KCNIP1: variants seen among roughly 807,000 people sequenced by gnomAD.
The protein encoded by KCNIP1 is A-type potassium channel modulatory protein KCNIP1.
KCNIP1 carries 18 observed loss-of-function variants against 33.0 expected under a neutral mutation model. That is an observed-to-expected ratio of 0.55 (90% confidence interval 0.38 to 0.81). The LOEUF is 0.81. Among genes scored for constraint, KCNIP1 ranks in the 30% least tolerant of loss-of-function variants. KCNIP1 has a pLI of 0.00. For missense variants in KCNIP1, 238 were observed against 271.6 expected, an observed-to-expected ratio of 0.88 and a Z score of 0.87; for synonymous variants, 93 against 98.3, an observed-to-expected ratio of 0.95 and a Z score of 0.32.
At chr5:170,501,542 G>A (rs886438742), upstream of KCNIP1, among the ~76,000 whole-genome samples, 2 of 152,226 alleles carry the variant, frequency 1.3e-5, no homozygotes, top group African/African-American at 4.8e-5. Context: ...GAAGCACTTT[G>A]CTATTTCTGA....
intron 1 of KCNIP1, among the ~76,000 whole-genome samples, chr5:170,684,390 C>T (rs1762469729): frequency 6.6e-6 from 1 of 152,184 alleles, no homozygotes; most frequent in African/African-American, 2.4e-5. Context: ...TTCCTCCTTG[C>T]CTCTTCCAGC....
intron 1 of KCNIP1, among the ~76,000 whole-genome samples, chr5:170,588,658 AG>A (rs1475015037): frequency 1.3e-5 from 2 of 152,148 alleles, no homozygotes; most frequent in Admixed American, 1.3e-4. Flanking sequence ...CAGCTCCCCC[AG>A]GGAAGAAAAT....
intron 1 of KCNIP1, among the ~76,000 whole-genome samples, chr5:170,717,768 CAT>C (rs1214837850): frequency 6.6e-6 from 1 of 152,196 alleles, no homozygotes; most frequent in Non-Finnish European, 1.5e-5. Context: ...ATGGTCTGTG[CAT>C]ATTCCCAGCA....
chr5:170,618,170 G>A (rs909571815), intron 1 of KCNIP1, among the ~76,000 whole-genome samples: 12 of 152,090 alleles, frequency 7.9e-5, no homozygotes, highest in South Asian at 4.1e-4. Flanking sequence ...ACATCCGGGC[G>A]TAATCACAGA....
chr5:170,656,992 C>CTTTTTTTTTTTTTTTTTT (rs11397076), intron 1 of KCNIP1, among the ~76,000 whole-genome samples: 2 of 116,438 alleles, frequency 1.7e-5, no homozygotes, highest in African/African-American at 3.6e-5. Context: ...TTTTTTCTTT[C>CTTTTTTTTTTTTTTTTTT]TTTCTTTTTT....
intron 1 of KCNIP1, chr5:170,376,243 C>G (rs1238312255): frequency 2.1e-5 from 3 of 145,438 alleles, no homozygotes; most frequent in African/African-American, 7.6e-5. Flanking sequence ...TCACTGCAAG[C>G]TCCGCCTCCC....
At chr5:170,614,607 T>C (rs956404846) in intron 1 of KCNIP1, among the ~76,000 whole-genome samples, 1 of 152,212 alleles carries the variant, frequency 6.6e-6, no homozygotes, top group African/African-American at 2.4e-5. Context: ...GAACCAATTC[T>C]CTCCCCCGTT....
chr5:170,502,081 G>A (rs1488561763), upstream of KCNIP1, among the ~76,000 whole-genome samples: 2 of 152,230 alleles, frequency 1.3e-5, no homozygotes, highest in Admixed American at 6.5e-5. Flanking sequence ...TGGAACCCAA[G>A]TTCTAATCCC....
chr5:170,692,367 T>C (rs940163644), intron 1 of KCNIP1, among the ~76,000 whole-genome samples: 10 of 151,900 alleles, frequency 6.6e-5, no homozygotes, highest in Admixed American at 6.6e-4. Flanking sequence ...TGAAAATAAA[T>C]CCCCCAGGCT....
At chr5:170,717,329 T>C (rs1763675010) in intron 1 of KCNIP1, among the ~76,000 whole-genome samples, 5 of 152,216 alleles carry the variant, frequency 3.3e-5, no homozygotes, top group Admixed American at 3.3e-4. Context: ...GCTACTTATC[T>C]TGTTAGCTAC....
chr5:170,625,922 G>A (rs552995550), intron 1 of KCNIP1, among the ~76,000 whole-genome samples: 1 of 152,286 alleles, frequency 6.6e-6, no homozygotes, highest in East Asian at 1.9e-4. Flanking sequence ...CAGTGACCTG[G>A]GGGATGGGCA....
intron 1 of KCNIP1, among the ~76,000 whole-genome samples, chr5:170,613,079 A>G (rs1057515326): frequency 1.3e-5 from 2 of 152,196 alleles, no homozygotes; most frequent in Non-Finnish European, 2.9e-5. Context: ...CATCCCCAGA[A>G]GCTGATCCCT....
At chr5:170,542,677 C>T (rs974626699) in intron 1 of KCNIP1, among the ~76,000 whole-genome samples, 1 of 152,054 alleles carries the variant, frequency 6.6e-6, no homozygotes, top group Non-Finnish European at 1.5e-5. Flanking sequence ...ACTTATATAC[C>T]TATGATAAAG....
chr5:170,732,871 C>T lies in KCNIP1; in HGVS notation c.507C>T (p.Asp169=). The change falls in exon 6 of 8, where the codon GAC becomes GAT. Residue 169 remains aspartate (D), a synonymous_variant. Transcript: ENST00000328939. ...GKYTYPVLKE[D]TPRQHVDVFF... ...ACACATATCCTGTGCTCAAAGAGGA[C>T]ACTCCAAGGCAGCATGTGGACGTCT... The T allele has an allele frequency of 6.2e-7, 1 of 1,613,330 alleles. No individual in the cohort carries two copies. The highest frequency in any genetic ancestry group is 8.5e-7 in the Non-Finnish European group (1 of 1,179,370).
chr5:170,444,701 A>ATTT (rs1756070988), intron 1 of KCNIP1, among the ~76,000 whole-genome samples: 1 of 147,108 alleles, frequency 6.8e-6, no homozygotes, highest in Admixed American at 6.7e-5. Context: ...TCTTTTTTTA[A>ATTT]AAAAAAAAAA....
chr5:170,527,921 G>A (rs201163778), intron 1 of KCNIP1, among the ~76,000 whole-genome samples: 20 of 152,050 alleles, frequency 1.3e-4, no homozygotes, highest in East Asian at 9.7e-4. Flanking sequence ...TTTCATAAGC[G>A]GTTGTTGTCC....
At chr5:170,712,765 C>T (rs2113858147) in intron 1 of KCNIP1, 1 of 1,260,700 alleles carries the variant, frequency 7.9e-7, no homozygotes. Flanking sequence ...CGTGGACACC[C>T]TCAGAGCGGC....
In KCNIP1 at chr5:170,585,145, A is replaced by G. The variant is rs1439117347; in HGVS notation, c.61+80512A>G. Among the ~76,000 whole-genome samples the G allele has an allele frequency of 2.7e-5, 4 of 146,016 alleles. No homozygotes were observed. The East Asian group carries it at 7.8e-4, about 28-fold the overall frequency. On this transcript the variant is annotated intron_variant, in intron 1 of 7. Coordinates refer to ENST00000328939, the MANE Select transcript of KCNIP1 (RefSeq NM_014592.4). ...CCAGAGTCGAAAATATTCAAAACCAAAAAGAAAAAAAAGAAAAAAAAATCT... is the reference window on the plus strand; with the variant it reads ...CCAGAGTCGAAAATATTCAAAACCAGAAAGAAAAAAAAGAAAAAAAAATCT...
chr5:170,502,670 T>G (rs1011500782), upstream of KCNIP1, among the ~76,000 whole-genome samples: 3 of 152,300 alleles, frequency 2.0e-5, no homozygotes, highest in African/African-American at 7.2e-5. Flanking sequence ...TTTCTGGGCA[T>G]GCATGCTTGT....
Sources: gnomAD v4.1 joint callset for allele counts (sites outside exome capture counted in the v4.1 genomes callset) on GRCh38, gnomAD v4.1.1 for gene constraint, MANE v1.5 for transcripts, NCBI Gene and HGNC (gene_info 2026-07-23, HGNC 2026-07-21) for gene names.